CLSTN2: variants seen among roughly 807,000 people sequenced by gnomAD.
CLSTN2 encodes the protein calsyntenin 2, also known as calsyntenin-2.
In CLSTN2, 48 loss-of-function variants were observed where a neutral mutation model predicts 101.2. That is an observed-to-expected ratio of 0.47 (90% CI 0.38 to 0.60). The LOEUF is 0.60. CLSTN2 is among the 20% of genes least tolerant of loss of function. CLSTN2 has a pLI of 0.00. For synonymous variants in CLSTN2, 481 were observed against 463.6 expected (o/e 1.04, Z -0.48); for missense variants, 1,160 against 1,238.2 (o/e 0.94, Z 0.95).
In CLSTN2 at chr3:140,528,979, A is replaced by C. The variant is rs567286512; in HGVS notation, c.1345-3345A>C. 2.0e-5 allele frequency among the ~76,000 whole-genome samples: 3 copies of C among 152,368 alleles called. No homozygotes were observed. The South Asian group carries it at 6.2e-4, about 32-fold the overall frequency. Reference sequence around the variant, plus strand: ...TAATAGTTGACAGATAGTAGTTGGTAGGTGAATGTATCTTATGTTGAATAG... The same window carrying C: ...TAATAGTTGACAGATAGTAGTTGGTCGGTGAATGTATCTTATGTTGAATAG... On this transcript the variant is annotated intron_variant, in intron 8 of 16. Transcript: ENST00000458420.
At chr3:139,983,974 A>C (rs1935980344) in intron 1 of CLSTN2, among the ~76,000 whole-genome samples, 1 of 152,200 alleles carries the variant, frequency 6.6e-6, no homozygotes, top group African/African-American at 2.4e-5. Context: ...AATGTTCTTC[A>C]TTCCTTACAT....
At chr3:140,426,539 T>C (rs2088566704) in intron 5 of CLSTN2, among the ~76,000 whole-genome samples, 1 of 152,210 alleles carries the variant, frequency 6.6e-6, no homozygotes, top group African/African-American at 2.4e-5. Context: ...TTTTAACATA[T>C]GAATTTGGAG....
chr3:140,347,081 A>G (rs2087555497), intron 2 of CLSTN2, among the ~76,000 whole-genome samples: 1 of 152,168 alleles, frequency 6.6e-6, no homozygotes, highest in Non-Finnish European at 1.5e-5. Context: ...TTTTCTTTAA[A>G]GGGGCCCAGG....
intron 2 of CLSTN2, among the ~76,000 whole-genome samples, chr3:140,206,870 G>C (rs2010790814): frequency 6.6e-6 from 1 of 152,132 alleles, no homozygotes; most frequent in Admixed American, 6.5e-5. Flanking sequence ...TAGACATCTG[G>C]TGGGCAGATG....
At chr3:140,564,699 T>G (rs1935995779) in intron 16 of CLSTN2, among the ~76,000 whole-genome samples, 1 of 152,214 alleles carries the variant, frequency 6.6e-6, no homozygotes, top group Admixed American at 6.5e-5. Flanking sequence ...AAATAGGAGT[T>G]ATCATCTTCA....
chr3:140,409,317 C>T (rs1046660189), intron 4 of CLSTN2, among the ~76,000 whole-genome samples: 1 of 152,212 alleles, frequency 6.6e-6, no homozygotes, highest in Non-Finnish European at 1.5e-5. Context: ...TGTCACTGGA[C>T]CCAGGGCACC....
intron 1 of CLSTN2, among the ~76,000 whole-genome samples, chr3:140,043,874 A>G (rs1001103208): frequency 2.0e-5 from 3 of 152,050 alleles, no homozygotes; most frequent in African/African-American, 7.2e-5. Flanking sequence ...GTTCTGTTCC[A>G]TTGGTCTATA....
chr3:140,323,374 A>G (rs112387370), intron 2 of CLSTN2, among the ~76,000 whole-genome samples: 98 of 152,384 alleles, frequency 6.4e-4, no homozygotes, highest in African/African-American at 2.1e-3. Flanking sequence ...ACAAGGGAAG[A>G]TAAAATAAGT....
At chr3:140,003,583 A>G (rs541588467) in intron 1 of CLSTN2, among the ~76,000 whole-genome samples, 2 of 152,312 alleles carry the variant, frequency 1.3e-5, no homozygotes, top group South Asian at 4.1e-4. Context: ...AACAGTGGTA[A>G]AAGTGGGCAT....
chr3:140,489,158 A>G (rs1934293374), intron 8 of CLSTN2, among the ~76,000 whole-genome samples: 2 of 152,166 alleles, frequency 1.3e-5, no homozygotes, highest in African/African-American at 4.8e-5. Context: ...GGAAGAGAGT[A>G]GTAGTTGAGA....
rs566138516 is a variant in CLSTN2, at chr3:140,499,535, G to T, written c.1345-32789G>T. On this transcript the variant is annotated intron_variant, in intron 8 of 16. Coordinates refer to ENST00000458420, the MANE Select transcript of CLSTN2 (RefSeq NM_022131.3). Reference sequence around the variant, plus strand: ...CTAAGAAACAAAGGCCCACCTGGGTGCTGAGCTGCCCAATGGCCTGGGATA... The same window carrying T: ...CTAAGAAACAAAGGCCCACCTGGGTTCTGAGCTGCCCAATGGCCTGGGATA... Among the ~76,000 whole-genome samples the T allele has an allele frequency of 8.7e-4, 133 of 152,330 alleles. 2 individuals are homozygous for T. In the South Asian group the frequency reaches 0.027, roughly 31 times the overall value.
intron 3 of CLSTN2, 90 bp downstream of exon 3, chr3:140,403,914 T>C: frequency 9.2e-7 from 1 of 1,088,812 alleles, no homozygotes; most frequent in Non-Finnish European, 1.3e-6. Flanking sequence ...ATGTTTACCC[T>C]CTTGTCACAC....
chr3:139,955,414 TATCC>T (rs1356408420), intron 1 of CLSTN2, among the ~76,000 whole-genome samples: 1 of 152,126 alleles, frequency 6.6e-6, no homozygotes, highest in Non-Finnish European at 1.5e-5. Flanking sequence ...GTGTTTAGGT[TATCC>T]ATTGCTGCCT....
At chr3:140,325,315 C>T (rs565285139) in intron 2 of CLSTN2, among the ~76,000 whole-genome samples, 4 of 152,196 alleles carry the variant, frequency 2.6e-5, no homozygotes, top group Non-Finnish European at 5.9e-5. Context: ...TGGGTTCCCA[C>T]AGCAGTGGGC....
intron 2 of CLSTN2, among the ~76,000 whole-genome samples, chr3:140,180,958 C>A (rs966251991): frequency 1.3e-5 from 2 of 152,158 alleles, no homozygotes; most frequent in Non-Finnish European, 2.9e-5. Flanking sequence ...ATGCCTCAGG[C>A]CCTATAGGTG....
At chr3:140,320,635 C>A (rs1251847249) in intron 2 of CLSTN2, among the ~76,000 whole-genome samples, 1 of 150,950 alleles carries the variant, frequency 6.6e-6, no homozygotes, top group Non-Finnish European at 1.5e-5. Context: ...GGTCAATACA[C>A]ATATTATTAT....
intron 2 of CLSTN2, among the ~76,000 whole-genome samples, chr3:140,354,211 T>C (rs1271611186): frequency 1.3e-5 from 2 of 152,168 alleles, no homozygotes; most frequent in Non-Finnish European, 2.9e-5. Flanking sequence ...AACATCCTGG[T>C]TCCATAGGAT....
intron 2 of CLSTN2, among the ~76,000 whole-genome samples, chr3:140,274,843 T>A (rs1364285338): frequency 6.6e-6 from 1 of 152,140 alleles, no homozygotes; most frequent in Non-Finnish European, 1.5e-5. Context: ...GAATTTAAGC[T>A]GGGAAATCAG....
chr3:140,323,013 A>G (rs2087298201), intron 2 of CLSTN2, among the ~76,000 whole-genome samples: 1 of 152,232 alleles, frequency 6.6e-6, no homozygotes, highest in African/African-American at 2.4e-5. Flanking sequence ...AACCATAAAT[A>G]TTTGTAATTC....
Sources: gnomAD v4.1 joint callset for allele counts (sites outside exome capture counted in the v4.1 genomes callset) on GRCh38, gnomAD v4.1.1 for gene constraint, MANE v1.5 for transcripts, NCBI Gene and HGNC (gene_info 2026-07-23, HGNC 2026-07-21) for gene names.